EVC2: variants seen among roughly 807,000 people sequenced by gnomAD.
The protein encoded by EVC2 is EvC ciliary complex subunit 2, also known as limbin.
In EVC2, 148 loss-of-function variants were observed where a neutral mutation model predicts 149.3. The ratio of observed to expected loss-of-function variants is 0.99; its 90% confidence interval spans 0.87 to 1.14. The LOEUF (loss-of-function observed/expected upper bound fraction) is 1.14. Among genes scored for constraint, EVC2 ranks in the 50% most tolerant of loss-of-function variants. The pLI, the probability that EVC2 is intolerant of heterozygous loss-of-function variation, is 0.00. For synonymous variants in EVC2, 776 were observed against 649.9 expected, an observed-to-expected ratio of 1.19 and a Z score of -2.95; for missense variants, 1,854 against 1,627.3, an observed-to-expected ratio of 1.14 and a Z score of -2.40.
At chr4:5,542,729 C>T (rs116390787), downstream of EVC2, 1,042 of 179,470 alleles carry the variant, frequency 5.8e-3, 10 homozygotes, top group African/African-American at 0.022. Flanking sequence ...GAGGCATTCA[C>T]GGTTATTACA....
the EVC2 span, among the ~76,000 whole-genome samples, chr4:5,535,601 A>AAGAGAGAGAGAGAGAGAGAGAG: frequency 5.5e-3 from 655 of 118,022 alleles, 9 homozygotes; most frequent in African/African-American, 0.014. The surrounding 1 kb of genome is among the most constrained non-coding windows in gnomAD (Gnocchi z 4.7). Context: ...CATGCTTAGA[A>AAGAGAGAGAGAGAGAGAGAGAG]AGAGAGAGAG....
intron 9 of EVC2, among the ~76,000 whole-genome samples, chr4:5,643,987 A>C (rs796467704): frequency 2.0e-5 from 3 of 152,240 alleles, no homozygotes; most frequent in African/African-American, 7.2e-5. Flanking sequence ...ATGTCTTTTT[A>C]CAATTGAACA....
Position 5,659,833 on chromosome 4 carries a change from T to G in EVC2, c.1145+3274A>C, listed in dbSNP as rs73200103. 7.7e-3 allele frequency among the ~76,000 whole-genome samples: 1,178 copies of G among 152,338 alleles called. 12 individuals are homozygous for G. Among genetic ancestry groups the G allele is most frequent in the South Asian group, 0.012 (58 of 4,824 alleles). ...ACAGGAGGATTAATACTTTCCTCTT[T>G]TAAAGTACTAATTACTTTAGTCAGA... On this transcript the variant is annotated intron_variant, in intron 9 of 21. Coordinates refer to ENST00000344408, the MANE Select transcript of EVC2 (RefSeq NM_147127.5).
At chr4:5,626,108 G>C (rs914589500) in intron 12 of EVC2, among the ~76,000 whole-genome samples, 200 bp from the exon 13 acceptor site, 7 of 152,136 alleles carry the variant, frequency 4.6e-5, no homozygotes, top group Non-Finnish European at 1.0e-4. Context: ...CTCAGCACAA[G>C]AGAGACATCA....
At chr4:5,588,849 T>C (rs1022845186) in intron 16 of EVC2, among the ~76,000 whole-genome samples, 12 of 152,198 alleles carry the variant, frequency 7.9e-5, no homozygotes, top group Admixed American at 3.3e-4. Context: ...AGGTTGCCAT[T>C]TTTTGTGTGT....
rs1716568888 is a variant in EVC2, at chr4:5,631,941, T to A, written c.1562A>T (p.Asp521Val). The part of the protein sequence containing the change: ...RKSLALQQEE[D>V]FAKAHRQLAV... ...CAGCTGTCTGTGAGCTTTGGCAAAG[T>A]CTTCTTCTTGTTGCAAAGCGAGAGA... The change falls in exon 11 of 22, where the codon GAC (aspartate) becomes GTC (valine). Residue 521 changes from aspartate to valine, a missense_variant. Physicochemically the swap from Asp to Val is radical, Grantham distance 152 (BLOSUM62 -3). Transcript: ENST00000344408. 3 of 1,614,076 alleles carry A rather than the reference T, an allele frequency of 1.9e-6. No homozygotes were observed. The South Asian group carries it at 3.3e-5, about 18-fold the overall frequency.
intron 9 of EVC2, among the ~76,000 whole-genome samples, chr4:5,647,769 T>C (rs1717829957): frequency 6.6e-6 from 1 of 152,184 alleles, no homozygotes; most frequent in African/African-American, 2.4e-5. Context: ...ACGTTAGGTT[T>C]CATGGCAAAG....
At chr4:5,623,140 C>G in intron 13 of EVC2, 149 bp from the exon 14 acceptor site, 1 of 861,702 alleles carries the variant, frequency 1.2e-6, no homozygotes, top group Non-Finnish European at 1.7e-6. Context: ...TTTTTGTTTG[C>G]TTGTTTGTTT....
chr4:5,626,223 G>C (rs1351208317), intron 12 of EVC2, among the ~76,000 whole-genome samples: 1 of 152,104 alleles, frequency 6.6e-6, no homozygotes, highest in African/African-American at 2.4e-5. Context: ...AAAAATCCTG[G>C]TGTCAAGAAC....
At chr4:5,540,126 A>G (rs2108754561), downstream of EVC2, among the ~76,000 whole-genome samples, 1 of 152,348 alleles carries the variant, frequency 6.6e-6, no homozygotes, top group East Asian at 1.9e-4. Flanking sequence ...TTAAAACTGC[A>G]AAGAGAAATC....
Position 5,622,595 on chromosome 4 carries a change from G to A in EVC2, c.2443C>T (p.Pro815Ser), listed in dbSNP as rs201210334. Reference protein sequence around the residue: ...SVRQRLKDDAPEAVTEEQAEL... With the variant: ...SVRQRLKDDASEAVTEEQAEL... ...GCCTGCTCCTCTGTCACGGCCTCAG[G>A]AGCGTCATCCTTCAGTCTCTGCCTC... Residue 815 changes from proline (P) to serine (S), a missense_variant, in exon 14 of 22, where the codon CCT becomes TCT. Physicochemically the swap from Pro to Ser is moderately conservative, Grantham distance 74 (BLOSUM62 -1). Transcript: ENST00000344408. This position sits in a 1 kb window ranked among gnomAD's most constrained non-coding sequence, Gnocchi z 5.8. 85 of 1,613,840 alleles carry A rather than the reference G, an allele frequency of 5.3e-5. No individual in the cohort carries two copies. Among genetic ancestry groups the A allele is most frequent in the Non-Finnish European group, 6.9e-5 (82 of 1,179,990 alleles).
At chr4:5,639,709 A>G (rs1357576058) in intron 10 of EVC2, among the ~76,000 whole-genome samples, 2 of 152,224 alleles carry the variant, frequency 1.3e-5, no homozygotes, top group East Asian at 3.8e-4. Context: ...TATAGTCCAG[A>G]GGGGGACACG....
chr4:5,628,541 G>C lies in EVC2; in HGVS notation c.1886+18C>G, dbSNP rs748086259. 1 of 1,613,924 alleles carries C rather than the reference G, an allele frequency of 6.2e-7. No individual in the cohort carries two copies. Among genetic ancestry groups the C allele is most frequent in the Non-Finnish European group, 8.5e-7 (1 of 1,179,942 alleles). ...AGACTAAGACAGTTCGCACTGTTGG[G>C]ACAGTGTTGAGTGGTACCTCTCGTG... is the stretch of plus-strand genomic sequence containing the variant. On this transcript the variant is annotated intron_variant, in intron 12 of 21. Coordinates refer to ENST00000344408, the MANE Select transcript of EVC2 (RefSeq NM_147127.5).
At chr4:5,601,263 G>A (rs929798879) in intron 16 of EVC2, among the ~76,000 whole-genome samples, 1 of 151,818 alleles carries the variant, frequency 6.6e-6, no homozygotes, top group African/African-American at 2.4e-5. Flanking sequence ...TGAACATGGA[G>A]GTAAGAGTGA....
intron 21 of EVC2, among the ~76,000 whole-genome samples, chr4:5,547,057 C>G (rs1721635725): frequency 6.6e-6 from 1 of 152,238 alleles, no homozygotes; most frequent in South Asian, 2.1e-4. Context: ...AATCTCTGCA[C>G]TCTTGGGGGT....
intron 16 of EVC2, among the ~76,000 whole-genome samples, chr4:5,594,064 C>A (rs1713125003): frequency 6.6e-6 from 1 of 152,142 alleles, no homozygotes; most frequent in Non-Finnish European, 1.5e-5. Context: ...ACAAAGCAGC[C>A]CGGAAGCTCA....
rs772639262 is a variant in EVC2, at chr4:5,584,621, AC to A, written c.3057+1del. ...CCTCTCCTTCCCAGCGCCTGCACTCACCCGGCTGTGCGACTCCAGGATCTGT... is the reference window on the plus strand; with the variant it reads ...CCTCTCCTTCCCAGCGCCTGCACTCACCGGCTGTGCGACTCCAGGATCTGT... On this transcript the variant is annotated splice_donor_variant, in intron 17 of 21. Transcript: ENST00000344408. LOFTEE classifies it high-confidence loss of function. The A allele has an allele frequency of 1.2e-6, 2 of 1,612,236 alleles. No individual in the cohort carries two copies. The highest frequency in any genetic ancestry group is 2.2e-5 in the South Asian group (2 of 90,554).
rs1715779060 is a variant in EVC2 at position 5,622,642 on chromosome 4, T to C, written c.2396A>G (p.Asp799Gly). 6.2e-7 allele frequency: 1 copy of C among 1,613,902 alleles called. No individual in the cohort carries two copies. Among genetic ancestry groups the C allele is most frequent in the South Asian group, 1.1e-5 (1 of 91,062 alleles). Residue 799 changes from aspartate to glycine, a missense_variant, in exon 14 of 22, where the codon GAC becomes GGC. Coordinates refer to ENST00000344408, the MANE Select transcript of EVC2 (RefSeq NM_147127.5). This position sits in a 1 kb window ranked among gnomAD's most constrained non-coding sequence, Gnocchi z 5.8. ...CCTCACGCTCTGGACACCCTCCTGG[T>C]CCCTGTCCCTCTCCTCCCCCTCCAG... ...EQLEGEERDR[D>G]QEGVQSVRQR...
At chr4:5,706,700 T>G (rs945434956) in intron 1 of EVC2, among the ~76,000 whole-genome samples, 3 of 151,950 alleles carry the variant, frequency 2.0e-5, no homozygotes, top group Admixed American at 2.0e-4. Flanking sequence ...CCAGAGCTCT[T>G]TCCTGTACAG....
Sources: gnomAD v4.1 joint callset for allele counts (sites outside exome capture counted in the v4.1 genomes callset) on GRCh38, gnomAD v4.1.1 for gene constraint, Gnocchi (gnomAD v3.1) non-coding constraint, MANE v1.5 for transcripts, NCBI Gene and HGNC (gene_info 2026-07-23, HGNC 2026-07-21) for gene names.